The following SMIM27 variants were observed in gnomAD, a reference collection of about 807,000 sequenced individuals.
SMIM27 encodes TOPORS antisense RNA 1 (non-protein coding).
A neutral mutation model predicts 1.8 loss-of-function variants in SMIM27; 3 were observed. The ratio of observed to expected loss-of-function variants is 1.65; its 90% CI spans 0.75 to 4.28. The LOEUF is 4.28. Among genes scored for constraint, SMIM27 ranks in the 30% most tolerant of loss-of-function variants. The pLI, the probability that SMIM27 is intolerant of heterozygous loss-of-function variation, is 0.02. For synonymous variants in SMIM27, 19 were observed against 13.9 expected (o/e 1.37, Z -0.82); for missense variants, 63 against 37.0 (o/e 1.70, Z -1.83).
At chr9:32,562,385 A>C (rs1821651376) in intron 1 of SMIM27, among the ~76,000 whole-genome samples, 2 of 152,186 alleles carry the variant, frequency 1.3e-5, no homozygotes, top group South Asian at 4.1e-4. Flanking sequence ...AAGAGTCTAC[A>C]CAATCAATAG....
intron 1 of SMIM27, 97 bp downstream of exon 1, chr9:32,552,576 A>G (rs1821319095): frequency 9.3e-7 from 1 of 1,070,668 alleles, no homozygotes; most frequent in Non-Finnish European, 1.4e-6. Context: ...TCCAAAATCC[A>G]TTCCTGAATT....
downstream of SMIM27, chr9:32,553,659 T>C (rs1821369177): frequency 5.9e-6 from 3 of 506,574 alleles, no homozygotes; most frequent in Non-Finnish European, 1.1e-5. Context: ...AAGTCAAGAA[T>C]GACCAGAAAA....
chr9:32,551,540 G>A (rs1283872755), upstream of SMIM27: 3 of 249,220 alleles, frequency 1.2e-5, no homozygotes, highest in South Asian at 4.3e-5. Flanking sequence ...GTTTTTCTCC[G>A]CTCTTCCCCT....
chr9:32,558,668 C>A (rs1053353989), intron 1 of SMIM27, among the ~76,000 whole-genome samples: 1 of 152,158 alleles, frequency 6.6e-6, no homozygotes, highest in Admixed American at 6.5e-5. Context: ...TCACAAAACA[C>A]GTTTTACAGC....
At chr9:32,551,247 C>G, upstream of SMIM27, 1 of 575,682 alleles carries the variant, frequency 1.7e-6, no homozygotes, top group Non-Finnish European at 3.1e-6. Flanking sequence ...CTAACTTACC[C>G]GGAAAACACG....
At chr9:32,562,023 G>A (rs950107432) in intron 1 of SMIM27, among the ~76,000 whole-genome samples, 5 of 152,130 alleles carry the variant, frequency 3.3e-5, no homozygotes, top group Admixed American at 1.3e-4. Context: ...ATCACATGCA[G>A]TTCAACTTCT....
chr9:32,561,165 TAG>T (rs1242436077), intron 1 of SMIM27, among the ~76,000 whole-genome samples: 1 of 152,196 alleles, frequency 6.6e-6, no homozygotes, highest in Non-Finnish European at 1.5e-5. Context: ...TTAATAGTTG[TAG>T]AGAGAGTTTG....
chr9:32,553,090 T>G (rs555600334), downstream of SMIM27: 1 of 507,990 alleles, frequency 2.0e-6, no homozygotes, highest in Non-Finnish European at 3.5e-6. Context: ...TTTTACATTC[T>G]CATGACAAAA....
At chr9:32,564,371 A>G (rs939750858) in intron 1 of SMIM27, among the ~76,000 whole-genome samples, 14 of 152,064 alleles carry the variant, frequency 9.2e-5, no homozygotes, top group African/African-American at 3.4e-4. Flanking sequence ...TGCACTTCAC[A>G]TATATTGTGT....
At chr9:32,562,313 G>T (rs1219014939) in intron 1 of SMIM27, among the ~76,000 whole-genome samples, 2 of 152,166 alleles carry the variant, frequency 1.3e-5, no homozygotes, top group African/African-American at 4.8e-5. Flanking sequence ...CTCCGTACTT[G>T]TTAATCAAGG....
Position 32,552,968 on chromosome 9 carries a change from G to A in SMIM27, c.*45G>A, listed in dbSNP as rs1478475587. ...CTGAAAATACAGTTCTTTCCCTCAT[G>A]CTTATGTAGATATAAAAATAAAATT... On this transcript the variant is annotated 3_prime_UTR_variant, in exon 2 of 2. Transcript: ENST00000692500. 1 of 641,406 alleles carries A rather than the reference G, an allele frequency of 1.6e-6. No homozygotes were observed. Among genetic ancestry groups the A allele is most frequent in the East Asian group, 2.8e-5 (1 of 36,346 alleles). 39.7% of individuals were successfully genotyped at this position (641,406 alleles called of 1,614,324 possible).
chr9:32,551,606 G>T, upstream of SMIM27: 1 of 253,680 alleles, frequency 3.9e-6, no homozygotes, highest in Non-Finnish European at 8.5e-6. Flanking sequence ...GAGGTATAAA[G>T]AACGTCTAGA....
At chr9:32,553,893 G>C, downstream of SMIM27, 1 of 1,594,764 alleles carries the variant, frequency 6.3e-7, no homozygotes, top group Non-Finnish European at 8.6e-7. Context: ...TGTTGATCAG[G>C]AAATTCTTTC....
At chr9:32,561,374 G>A (rs1201641575) in intron 1 of SMIM27, among the ~76,000 whole-genome samples, 1 of 151,156 alleles carries the variant, frequency 6.6e-6, no homozygotes, top group African/African-American at 2.4e-5. Flanking sequence ...CGCTCAGGCT[G>A]GAGAGTGCGG....
exon 2 of SMIM27, chr9:32,566,697 T>C (rs1821801216): frequency 1.8e-5 from 15 of 830,652 alleles, no homozygotes; most frequent in South Asian, 1.7e-4. Flanking sequence ...GTATCTCAGA[T>C]AGCCAGACTT....
At chr9:32,552,285 A>T, upstream of SMIM27, 1 of 1,145,722 alleles carries the variant, frequency 8.7e-7, no homozygotes, top group South Asian at 1.3e-5. Context: ...CGGGCGGAAG[A>T]GGCCAGCGAC....
At chr9:32,565,855 C>G (rs1342166251) in intron 1 of SMIM27, among the ~76,000 whole-genome samples, 1 of 152,060 alleles carries the variant, frequency 6.6e-6, no homozygotes, top group African/African-American at 2.4e-5. Flanking sequence ...ACCTGTAATC[C>G]TAGCTACTTG....
At chr9:32,556,845 A>ATT (rs1821469016), downstream of SMIM27, among the ~76,000 whole-genome samples, 1 of 94,758 alleles carries the variant, frequency 1.1e-5, no homozygotes, top group African/African-American at 3.9e-5. Context: ...GAAATCCCCT[A>ATT]CTTTTTTTTT....
chr9:32,552,517 T>C, intron 1 of SMIM27, 38 bp downstream of exon 1: 3 of 1,555,278 alleles, frequency 1.9e-6, no homozygotes, highest in Non-Finnish European at 8.7e-7. Flanking sequence ...CCGTGTCGAC[T>C]CACTGGGCCC....
Sources: allele counts gnomAD v4.1 joint callset (sites outside exome capture counted in the v4.1 genomes callset), GRCh38; gene constraint gnomAD v4.1.1; transcripts MANE v1.5; gene names NCBI Gene and HGNC (gene_info 2026-07-23, HGNC 2026-07-21).